KCNIP1: variants seen among roughly 807,000 people sequenced by gnomAD.
KCNIP1 encodes A-type potassium channel modulatory protein KCNIP1.
KCNIP1 carries 18 observed loss-of-function variants against 33.0 expected under a neutral mutation model. The ratio of observed to expected loss-of-function variants is 0.55; its 90% confidence interval spans 0.38 to 0.81. KCNIP1 has a LOEUF of 0.81. Ranked by LOEUF, KCNIP1 falls within the 30% of genes least tolerant of loss-of-function variation. KCNIP1 has a pLI of 0.00. For missense variants in KCNIP1, 238 were observed against 271.6 expected (o/e 0.88, Z 0.87); for synonymous variants, 93 against 98.3 (o/e 0.95, Z 0.32).
intron 1 of KCNIP1, among the ~76,000 whole-genome samples, chr5:170,463,864 A>G (rs1756556049): frequency 6.6e-6 from 1 of 152,212 alleles, no homozygotes; most frequent in African/African-American, 2.4e-5. Flanking sequence ...CAAATTGGAA[A>G]GGAAGAAATA....
intron 1 of KCNIP1, among the ~76,000 whole-genome samples, chr5:170,424,728 G>T (rs557790049): frequency 4.6e-5 from 7 of 152,054 alleles, no homozygotes; most frequent in Non-Finnish European, 8.8e-5. Flanking sequence ...TAGCCTGAGC[G>T]ATCTTTTAAA....
Position 170,722,574 on chromosome 5 carries a change from C to T in KCNIP1, c.328-139C>T, listed in dbSNP as rs754323216. The T allele has an allele frequency of 4.1e-5, 29 of 699,940 alleles. No homozygotes were observed. In the Middle Eastern group the frequency reaches 7.6e-4, roughly 18 times the overall value. 43.4% of individuals were successfully genotyped at this position (699,940 alleles called of 1,614,324 possible). A position where few individuals can be genotyped will look rare whatever the true frequency, so the allele number is the denominator to read the frequency against. ...CTGAAGGCAGGAGCTCTTCACAGAGCATAGCCACATCCTCCAGGCAGACAA... is the reference window on the plus strand; with the variant it reads ...CTGAAGGCAGGAGCTCTTCACAGAGTATAGCCACATCCTCCAGGCAGACAA... On this transcript the variant is annotated intron_variant, in intron 4 of 7. Transcript: ENST00000328939.
chr5:170,372,874 G>A (rs1456188682), intron 1 of KCNIP1, among the ~76,000 whole-genome samples: 2 of 152,286 alleles, frequency 1.3e-5, no homozygotes, highest in African/African-American at 2.4e-5. Context: ...TCAAGCCCCT[G>A]CTTTTGTTTT....
At chr5:170,485,674 T>A (rs1041797778) in intron 1 of KCNIP1, among the ~76,000 whole-genome samples, 2 of 152,158 alleles carry the variant, frequency 1.3e-5, no homozygotes, top group African/African-American at 4.8e-5. Flanking sequence ...GGGCTGCTGA[T>A]GACATGATCT....
At position 170,682,784 on chromosome 5, in the gene KCNIP1, C is replaced by CTTTTTTTTTTTTTTTTTTTTTTTTTTT. The variant is rs70979196; in HGVS notation, c.62-35949_62-35948insTTTTTTTTTTTTTTTTTTTTTTTTTTT. ...CAACAGCGTCCTATTTTCTTTGTTT[C>CTTTTTTTTTTTTTTTTTTTTTTTTTTT]TTTTTTTTTTTTTTTTTTTTTTTTT... On this transcript the variant is annotated intron_variant, in intron 1 of 7. Transcript: ENST00000328939. Among the ~76,000 whole-genome samples the CTTTTTTTTTTTTTTTTTTTTTTTTTTT allele has an allele frequency of 1.8e-4, 13 of 71,404 alleles. 2 individuals are homozygous for CTTTTTTTTTTTTTTTTTTTTTTTTTTT. The highest frequency in any genetic ancestry group is 8.2e-4 in the South Asian group (1 of 1,226). The allele number at this position is 71,404 out of a possible 152,430, so 46.8% of individuals were successfully genotyped here.
intron 1 of KCNIP1, among the ~76,000 whole-genome samples, chr5:170,613,111 C>T (rs919373107): frequency 6.6e-6 from 1 of 152,362 alleles, no homozygotes; most frequent in African/African-American, 2.4e-5. Flanking sequence ...GCCCTTCCAC[C>T]CTGTCTCCAC....
chr5:170,703,962 G>C (rs914831175), intron 1 of KCNIP1, among the ~76,000 whole-genome samples: 1 of 138,108 alleles, frequency 7.2e-6, no homozygotes, highest in African/African-American at 2.7e-5. Flanking sequence ...TATGAAAACT[G>C]TGACACCCAA....
rs560600532 is a variant in KCNIP1, at chr5:170,578,736, T to C, written c.61+74103T>C. Among the ~76,000 whole-genome samples, 20 of 152,286 alleles carry C rather than the reference T, an allele frequency of 1.3e-4. No individual in the cohort carries two copies. The East Asian group carries it at 3.9e-3, about 29-fold the overall frequency. ...ATGTTTCAAAACATGATAAATGCTA[T>C]GGAAGAAATAAAGAGGGTTGGAGAG... On this transcript the variant is annotated intron_variant, in intron 1 of 7. Transcript: ENST00000328939.
chr5:170,355,809 G>C lies in KCNIP1; in HGVS notation c.88+1845G>C, dbSNP rs938594386. Among the ~76,000 whole-genome samples, 5 of 152,200 alleles carry C rather than the reference G, an allele frequency of 3.3e-5. No homozygotes were observed. In the South Asian group the frequency reaches 1.0e-3, roughly 32 times the overall value. ...ATCCATGTGACACAGAAGGGACTCC[G>C]TGGGGACCTGGCCTTCCTGTGAACT... On this transcript the variant is annotated intron_variant, in intron 1 of 7. Transcript: ENST00000377360.
At chr5:170,484,418 T>C (rs1757040389) in intron 1 of KCNIP1, among the ~76,000 whole-genome samples, 1 of 152,078 alleles carries the variant, frequency 6.6e-6, no homozygotes, top group African/African-American at 2.4e-5. Context: ...TCCAGGAGGC[T>C]GGCAGGTGAC....
chr5:170,537,020 C>T (rs755480369), intron 1 of KCNIP1, among the ~76,000 whole-genome samples: 8 of 152,146 alleles, frequency 5.3e-5, no homozygotes, highest in East Asian at 3.9e-4. Flanking sequence ...CAAAGTGAAA[C>T]GAGGGTTCGT....
At position 170,556,597 on chromosome 5, in the gene KCNIP1, G is replaced by A. The variant is rs572063651; in HGVS notation, c.61+51964G>A. 6.6e-5 allele frequency among the ~76,000 whole-genome samples: 10 copies of A among 152,106 alleles called. No homozygotes were observed. The East Asian group carries it at 1.2e-3, about 18-fold the overall frequency. ...AGGAACAAGGACAGGGATGGGGAGA[G>A]GAAGAAAGAAGGAGGTGGGATGTGG... On this transcript the variant is annotated intron_variant, in intron 1 of 7. Transcript: ENST00000328939.
chr5:170,552,697 T>C (rs1215563908), intron 1 of KCNIP1, among the ~76,000 whole-genome samples: 2 of 152,166 alleles, frequency 1.3e-5, no homozygotes, highest in African/African-American at 4.8e-5. Flanking sequence ...ACAGGGCCTT[T>C]GGGGCCAGCG....
At chr5:170,475,208 C>T (rs555826304) in intron 1 of KCNIP1, among the ~76,000 whole-genome samples, 2 of 152,326 alleles carry the variant, frequency 1.3e-5, no homozygotes, top group South Asian at 4.1e-4. Context: ...TTCTTCAAGT[C>T]CCCACCCGAC....
Position 170,379,103 on chromosome 5 carries a change from A to C in KCNIP1, c.88+25139A>C, listed in dbSNP as rs1764133212. The C allele has an allele frequency of 6.2e-6, 7 of 1,136,446 alleles. No homozygotes were observed. In the East Asian group the frequency reaches 1.5e-4, roughly 24 times the overall value. The allele number at this position is 1,136,446 out of a possible 1,614,324, so 70.4% of individuals were successfully genotyped here. Reference sequence around the variant, plus strand: ...GGATTGGAGTCGGGGCTTTGGTCTAAAGCTTGGCAGGCCATGCGCTGTACA... The same window carrying C: ...GGATTGGAGTCGGGGCTTTGGTCTACAGCTTGGCAGGCCATGCGCTGTACA... On this transcript the variant is annotated intron_variant, in intron 1 of 7. Transcript: ENST00000377360.
At chr5:170,376,606 G>A (rs1178345265) in intron 1 of KCNIP1, 2 of 152,140 alleles carry the variant, frequency 1.3e-5, no homozygotes, top group Non-Finnish European at 2.9e-5. Flanking sequence ...TTATAAGTGA[G>A]AATATACAGT....
chr5:170,465,752 T>G (rs1377078415), intron 1 of KCNIP1, among the ~76,000 whole-genome samples: 1 of 152,120 alleles, frequency 6.6e-6, no homozygotes, highest in Non-Finnish European at 1.5e-5. Context: ...AACTAGGACC[T>G]AAGAAATGGG....
upstream of KCNIP1, among the ~76,000 whole-genome samples, chr5:170,500,619 G>T (rs1160254404): frequency 6.6e-6 from 1 of 152,168 alleles, no homozygotes; most frequent in Non-Finnish European, 1.5e-5. Context: ...CAGGCAGAGG[G>T]CCTGTTATCA....
intron 1 of KCNIP1, among the ~76,000 whole-genome samples, chr5:170,556,266 T>C (rs1756843750): frequency 6.6e-6 from 1 of 152,200 alleles, no homozygotes; most frequent in African/African-American, 2.4e-5. Flanking sequence ...AAAATCGCTG[T>C]GCTAGAAAAC....
Sources: gnomAD v4.1 joint callset for allele counts (sites outside exome capture counted in the v4.1 genomes callset) on GRCh38, gnomAD v4.1.1 for gene constraint, MANE v1.5 for transcripts, NCBI Gene and HGNC (gene_info 2026-07-23, HGNC 2026-07-21) for gene names.